The following LRRC37A2 variants were observed in gnomAD, a reference collection of about 807,000 sequenced individuals.
LRRC37A2 encodes leucine-rich repeat-containing protein 37A2.
In LRRC37A2, 9 loss-of-function variants were observed where a neutral mutation model predicts 68.8. The observed-to-expected ratio is 0.13, with a 90% CI of 0.08 to 0.23. The LOEUF is 0.23. Ranked by LOEUF, LRRC37A2 falls within the 10% of genes least tolerant of loss-of-function variation. The probability of loss-of-function intolerance (pLI) is 1.00; values close to 1 mark genes in which losing one functional copy is unlikely to be tolerated. For synonymous variants in LRRC37A2, 63 were observed against 367.6 expected, an observed-to-expected ratio of 0.17 and a Z score of 9.48; for missense variants, 168 against 950.4, an observed-to-expected ratio of 0.18 and a Z score of 10.82.
At chr17:46,946,282 C>CA in the LRRC37A2 span, among the ~76,000 whole-genome samples, 1,637 of 126,558 alleles carry the variant, frequency 0.013, 30 homozygotes, top group African/African-American at 0.049. Context: ...CTAAAAATAC[C>CA]AAAAAAAAAA....
the LRRC37A2 span, among the ~76,000 whole-genome samples, chr17:46,754,813 CA>C: frequency 6.6e-6 from 1 of 152,160 alleles, no homozygotes; most frequent in Non-Finnish European, 1.5e-5. Flanking sequence ...TTTGTTACTA[CA>C]AAGAAGAAAC....
the LRRC37A2 span, among the ~76,000 whole-genome samples, chr17:46,979,760 T>G: frequency 6.8e-6 from 1 of 146,524 alleles, no homozygotes; most frequent in African/African-American, 2.5e-5. Context: ...CCATTTAACT[T>G]TTTTTTTAAA....
At chr17:46,941,229 T>G in the LRRC37A2 span, 1 of 995,944 alleles carries the variant, frequency 1.0e-6, no homozygotes, top group Non-Finnish European at 1.2e-6. Context: ...CTTGATTTTT[T>G]AGACTTCACT....
chr17:47,026,970 G>A, the LRRC37A2 span, among the ~76,000 whole-genome samples: 1 of 152,148 alleles, frequency 6.6e-6, no homozygotes, highest in Non-Finnish European at 1.5e-5. Flanking sequence ...GAGTGCAGTG[G>A]TGCAATCTCG....
chr17:46,558,511 C>T (rs1403788210), downstream of LRRC37A2, among the ~76,000 whole-genome samples: 9 of 123,086 alleles, frequency 7.3e-5, 1 homozygote, highest in East Asian at 5.4e-4. Context: ...CTCAGCCTCC[C>T]GAATAGCTGG....
At chr17:46,986,039 A>C in the LRRC37A2 span, among the ~76,000 whole-genome samples, 3 of 152,242 alleles carry the variant, frequency 2.0e-5, no homozygotes, top group Admixed American at 2.0e-4. Context: ...CGAGGTCTGC[A>C]ACAGAGTAGA....
the LRRC37A2 span, chr17:46,751,528 A>G: frequency 6.2e-7 from 1 of 1,614,064 alleles, no homozygotes; most frequent in Non-Finnish European, 8.5e-7. Flanking sequence ...AAGGATAAGG[A>G]ACGCACCACA....
the LRRC37A2 span, among the ~76,000 whole-genome samples, chr17:46,819,949 G>T: frequency 6.6e-6 from 1 of 152,206 alleles, no homozygotes; most frequent in Non-Finnish European, 1.5e-5. The surrounding 1 kb of genome is among the most constrained non-coding windows in gnomAD (Gnocchi z 5.3). Flanking sequence ...GCGCAGCCCC[G>T]GTCTGGGGTG....
At chr17:46,974,606 C>A in the LRRC37A2 span, among the ~76,000 whole-genome samples, 1 of 152,054 alleles carries the variant, frequency 6.6e-6, no homozygotes, top group Non-Finnish European at 1.5e-5. Flanking sequence ...TGGTGGCGGG[C>A]GCCTGTAGTC....
the LRRC37A2 span, among the ~76,000 whole-genome samples, chr17:46,822,220 C>A: frequency 4.5e-4 from 69 of 152,220 alleles, no homozygotes; most frequent in Non-Finnish European, 7.1e-4. Context: ...CTGTAGGAAC[C>A]GCAGAGCGGT....
the LRRC37A2 span, among the ~76,000 whole-genome samples, chr17:46,977,630 T>C: frequency 6.6e-6 from 1 of 152,232 alleles, no homozygotes; most frequent in South Asian, 2.1e-4. Context: ...CTCCATTGTA[T>C]AATAAACATC....
the LRRC37A2 span, among the ~76,000 whole-genome samples, chr17:46,928,416 C>A: frequency 6.6e-6 from 1 of 152,156 alleles, no homozygotes; most frequent in Non-Finnish European, 1.5e-5. Flanking sequence ...GTCCAGCAGG[C>A]CCCCTTCATG....
chr17:47,033,732 G>T, the LRRC37A2 span, among the ~76,000 whole-genome samples: 1 of 127,596 alleles, frequency 7.8e-6, no homozygotes. Context: ...GGAAAAAAAA[G>T]AACAGGCAAG....
At chr17:46,988,969 G>T in the LRRC37A2 span, among the ~76,000 whole-genome samples, 1 of 152,192 alleles carries the variant, frequency 6.6e-6, no homozygotes. Context: ...GACATAACAT[G>T]TGGGGGGCAC....
chr17:46,923,467 A>G, the LRRC37A2 span: 2 of 1,406,226 alleles, frequency 1.4e-6, no homozygotes, highest in Admixed American at 6.1e-5. Flanking sequence ...GTTCGTGACT[A>G]CCTGCTGGGT....
chr17:46,789,902 C>T, the LRRC37A2 span, among the ~76,000 whole-genome samples: 11 of 152,230 alleles, frequency 7.2e-5, no homozygotes, highest in Non-Finnish European at 1.3e-4. Context: ...CACTCTCTAC[C>T]TTTCAAGGTG....
At chr17:46,905,778 GT>G in the LRRC37A2 span, among the ~76,000 whole-genome samples, 1 of 119,416 alleles carries the variant, frequency 8.4e-6, no homozygotes, top group Non-Finnish European at 1.8e-5. Flanking sequence ...TACTCTGTGT[GT>G]TTGTGTGTGT....
chr17:46,796,256 A>T, the LRRC37A2 span, among the ~76,000 whole-genome samples: 1 of 152,288 alleles, frequency 6.6e-6, no homozygotes, highest in African/African-American at 2.4e-5. Context: ...CTTTTGTCAC[A>T]GTCCCTGGCA....
chr17:46,732,240 T>G, the LRRC37A2 span, among the ~76,000 whole-genome samples: 1 of 152,176 alleles, frequency 6.6e-6, no homozygotes, highest in Non-Finnish European at 1.5e-5. Context: ...TATTTCCAGC[T>G]TTCACACAGA....
Sources: gnomAD v4.1 joint callset for allele counts (sites outside exome capture counted in the v4.1 genomes callset) on GRCh38, gnomAD v4.1.1 for gene constraint, Gnocchi (gnomAD v3.1) non-coding constraint, MANE v1.5 for transcripts, NCBI Gene and HGNC (gene_info 2026-07-23, HGNC 2026-07-21) for gene names.